Variants in GPC6 observed in about 807,000 individuals in gnomAD.
GPC6 encodes glypican-6.
In GPC6, 14 loss-of-function variants were observed where a neutral mutation model predicts 55.2. That is an observed-to-expected ratio of 0.25 (90% CI 0.17 to 0.40). The LOEUF is 0.40. Ranked by LOEUF, GPC6 falls within the 10% of genes least tolerant of loss-of-function variation. The pLI, the probability that GPC6 is intolerant of heterozygous loss-of-function variation, is 1.00. For missense variants in GPC6, 641 were observed against 708.5 expected (o/e 0.90, Z 1.08); for synonymous variants, 278 against 259.6 (o/e 1.07, Z -0.68).
intron 1 of GPC6, among the ~76,000 whole-genome samples, chr13:93,412,817 T>C (rs1876560038): frequency 6.6e-6 from 1 of 152,194 alleles, no homozygotes. Context: ...GCCAGCACAG[T>C]GGCAGCACCA....
At chr13:93,236,599 G>A (rs1250825357) in intron 1 of GPC6, among the ~76,000 whole-genome samples, 1 of 152,170 alleles carries the variant, frequency 6.6e-6, no homozygotes, top group Non-Finnish European at 1.5e-5. Flanking sequence ...CGTGAACTGT[G>A]CATGCGAGGG....
At chr13:94,012,253 C>G (rs1019304927) in intron 3 of GPC6, among the ~76,000 whole-genome samples, 1 of 152,148 alleles carries the variant, frequency 6.6e-6, no homozygotes. Flanking sequence ...TGATATTTCT[C>G]TTATTTTTTT....
At chr13:94,106,749 TTC>T (rs1566413524) in intron 4 of GPC6, among the ~76,000 whole-genome samples, 1 of 152,092 alleles carries the variant, frequency 6.6e-6, no homozygotes, top group African/African-American at 2.4e-5. Context: ...AAGATGACCT[TTC>T]TCAGTGAAGT....
intron 1 of GPC6, among the ~76,000 whole-genome samples, chr13:93,488,469 C>A (rs547588753): frequency 6.6e-6 from 1 of 152,240 alleles, no homozygotes; most frequent in Non-Finnish European, 1.5e-5. Context: ...ATTTATAATC[C>A]TTTGGCTATA....
At chr13:93,702,106 G>A (rs1466357220) in intron 2 of GPC6, among the ~76,000 whole-genome samples, 1 of 152,030 alleles carries the variant, frequency 6.6e-6, no homozygotes, top group East Asian at 1.9e-4. Context: ...GGCAGTTATA[G>A]CCTTATCAAA....
At chr13:93,462,457 A>G (rs1291033827) in intron 1 of GPC6, among the ~76,000 whole-genome samples, 4 of 152,124 alleles carry the variant, frequency 2.6e-5, no homozygotes, top group African/African-American at 9.7e-5. Context: ...CTTTCCTCCA[A>G]TGTTACATTA....
At chr13:93,975,365 A>C (rs1289137283) in intron 3 of GPC6, among the ~76,000 whole-genome samples, 4 of 152,152 alleles carry the variant, frequency 2.6e-5, no homozygotes, top group Non-Finnish European at 5.9e-5. Context: ...GATCATAATA[A>C]TTGAAGTGAA....
chr13:93,981,822 G>C (rs1226741524), intron 3 of GPC6, among the ~76,000 whole-genome samples: 1 of 152,112 alleles, frequency 6.6e-6, no homozygotes, highest in Non-Finnish European at 1.5e-5. Flanking sequence ...ATTTCCATTA[G>C]AGATTTAGCT....
At chr13:94,144,013 C>T (rs1887471582) in intron 4 of GPC6, among the ~76,000 whole-genome samples, 1 of 152,164 alleles carries the variant, frequency 6.6e-6, no homozygotes, top group Non-Finnish European at 1.5e-5. Context: ...TTCACTGAAG[C>T]GAAGTTGTTA....
intron 3 of GPC6, among the ~76,000 whole-genome samples, chr13:93,973,933 G>T (rs2140397254): frequency 6.6e-6 from 1 of 152,292 alleles, no homozygotes; most frequent in Middle Eastern, 3.4e-3. Flanking sequence ...GTTTCAGACA[G>T]AGTAGTACGT....
chr13:94,105,795 A>T lies in GPC6; in HGVS notation c.877+77901A>T, dbSNP rs114374495. On this transcript the variant is annotated intron_variant, in intron 4 of 8. Coordinates refer to ENST00000377047, the MANE Select transcript of GPC6 (RefSeq NM_005708.5). ...TTTGGAATGGTGAATCTTTACCGGGACAGTTTTGCCCCCTAGGAACATTCA... is the reference window on the plus strand; with the variant it reads ...TTTGGAATGGTGAATCTTTACCGGGTCAGTTTTGCCCCCTAGGAACATTCA... Among the ~76,000 whole-genome samples the T allele has an allele frequency of 4.0e-3, 611 of 152,316 alleles. 9 individuals are homozygous for T. Among genetic ancestry groups the T allele is most frequent in the African/African-American group, 0.014 (569 of 41,570 alleles).
intron 1 of GPC6, among the ~76,000 whole-genome samples, chr13:93,544,673 G>A (rs564086052): frequency 1.3e-5 from 2 of 152,198 alleles, no homozygotes; most frequent in East Asian, 3.9e-4. Flanking sequence ...TCCTTATAAC[G>A]TAAGCATTAA....
intron 1 of GPC6, among the ~76,000 whole-genome samples, chr13:93,329,292 A>T (rs1879759341): frequency 6.6e-6 from 1 of 152,186 alleles, no homozygotes; most frequent in Non-Finnish European, 1.5e-5. Flanking sequence ...AAAATAATTT[A>T]TGGCATTTAG....
chr13:94,094,565 C>A (rs1377636598), intron 4 of GPC6, among the ~76,000 whole-genome samples: 3 of 152,064 alleles, frequency 2.0e-5, no homozygotes, highest in African/African-American at 7.2e-5. Flanking sequence ...TGTTTTCCAT[C>A]CATTTTTTTC....
chr13:93,735,238 TGAA>T (rs1352515311), intron 2 of GPC6, among the ~76,000 whole-genome samples: 1 of 152,136 alleles, frequency 6.6e-6, no homozygotes, highest in African/African-American at 2.4e-5. Flanking sequence ...AAGTCTTATG[TGAA>T]GAAGATGTCG....
intron 2 of GPC6, among the ~76,000 whole-genome samples, chr13:93,786,138 A>G (rs1885808485): frequency 6.6e-6 from 1 of 152,198 alleles, no homozygotes; most frequent in South Asian, 2.1e-4. Flanking sequence ...TTTCAAAACC[A>G]TAAGATTAGA....
chr13:93,470,468 C>A (rs530086025), intron 1 of GPC6, among the ~76,000 whole-genome samples: 1 of 152,128 alleles, frequency 6.6e-6, no homozygotes, highest in South Asian at 2.1e-4. Flanking sequence ...CTGGATAAAT[C>A]CCCCTGAATT....
intron 4 of GPC6, among the ~76,000 whole-genome samples, chr13:94,116,164 AC>A (rs1886422146): frequency 6.6e-6 from 1 of 152,130 alleles, no homozygotes; most frequent in Non-Finnish European, 1.5e-5. Context: ...GGGAGAGAAG[AC>A]AAATAGTTAA....
At chr13:93,907,558 C>T (rs1876737236) in intron 3 of GPC6, among the ~76,000 whole-genome samples, 2 of 152,024 alleles carry the variant, frequency 1.3e-5, no homozygotes, top group Non-Finnish European at 2.9e-5. Flanking sequence ...TGGAATCTTC[C>T]TTTATCAAAT....
Sources: allele counts gnomAD v4.1 joint callset (sites outside exome capture counted in the v4.1 genomes callset), GRCh38; gene constraint gnomAD v4.1.1; transcripts MANE v1.5; gene names NCBI Gene and HGNC (gene_info 2026-07-23, HGNC 2026-07-21).